Variants in ANO4 observed in about 807,000 individuals in gnomAD.
ANO4 encodes the protein anoctamin-4.
In ANO4, 69 loss-of-function variants were observed where a neutral mutation model predicts 141.9. That is an observed-to-expected ratio of 0.49 (90% CI 0.40 to 0.59). The LOEUF is 0.59. ANO4 is among the 20% of genes least tolerant of loss of function. ANO4 has a pLI of 0.00. For synonymous variants in ANO4, 350 were observed against 394.3 expected, an observed-to-expected ratio of 0.89 and a Z score of 1.33; for missense variants, 894 against 1,162.2, an observed-to-expected ratio of 0.77 and a Z score of 3.36.
intron 22 of ANO4, among the ~76,000 whole-genome samples, chr12:101,106,676 T>G (rs1292084871): frequency 1.3e-5 from 2 of 150,198 alleles, no homozygotes; most frequent in Non-Finnish European, 3.0e-5. Context: ...AGAGCAAAAA[T>G]AGAGGAGAAT....
At chr12:101,125,393 G>A (rs529851065) in intron 26 of ANO4, among the ~76,000 whole-genome samples, 4 of 152,062 alleles carry the variant, frequency 2.6e-5, no homozygotes, top group South Asian at 4.2e-4. Context: ...TTCTAGACAC[G>A]GGATCAGGTC....
At chr12:101,113,093 A>C (rs555137533) in intron 24 of ANO4, among the ~76,000 whole-genome samples, 103 of 152,270 alleles carry the variant, frequency 6.8e-4, no homozygotes, top group African/African-American at 2.5e-3. Context: ...GAGCAGGAAG[A>C]GATTAAAAGA....
intron 1 of ANO4, among the ~76,000 whole-genome samples, chr12:100,856,563 A>G (rs1459836893): frequency 6.6e-6 from 1 of 152,152 alleles, no homozygotes; most frequent in Non-Finnish European, 1.5e-5. Context: ...AGTAAAGGGT[A>G]TTTTGAGAAC....
intron 1 of ANO4, among the ~76,000 whole-genome samples, chr12:100,821,011 A>G (rs7967096): frequency 0.83 from 125,766 of 152,048 alleles, 52,240 homozygotes; most frequent in African/African-American, 0.9. Flanking sequence ...TCTCTGTTTG[A>G]CTATGCCATG....
chr12:101,046,402 G>T (rs2047632704), intron 13 of ANO4, among the ~76,000 whole-genome samples: 1 of 152,162 alleles, frequency 6.6e-6, no homozygotes, highest in African/African-American at 2.4e-5. Context: ...TTGTCCAATG[G>T]CCATTTGAGG....
At chr12:100,809,149 G>A (rs1303237816) in intron 1 of ANO4, among the ~76,000 whole-genome samples, 1 of 152,192 alleles carries the variant, frequency 6.6e-6, no homozygotes, top group Non-Finnish European at 1.5e-5. Flanking sequence ...GGGAGGCCAA[G>A]GTGGGTGGAT....
In ANO4 at chr12:100,971,418, T is replaced by C. The variant is rs1281933450; in HGVS notation, c.557+12T>C. 18 of 1,534,262 alleles carry C rather than the reference T, an allele frequency of 1.2e-5. No individual in the cohort carries two copies. The highest frequency in any genetic ancestry group is 1.7e-5 in the Admixed American group (1 of 59,574). On this transcript the variant is annotated intron_variant, in intron 6 of 27. Coordinates refer to ENST00000392977, the MANE Select transcript of ANO4 (RefSeq NM_001286615.2). ...AGAATGCCTTTCAGGTAGGTGGAAA[T>C]GTATTTTATTCCACTCTCTCTGCTG...
intron 1 of ANO4, among the ~76,000 whole-genome samples, chr12:100,722,650 T>C (rs1202613504): frequency 4.6e-5 from 7 of 152,310 alleles, no homozygotes; most frequent in Middle Eastern, 3.4e-3. Context: ...ATCCCCTCTG[T>C]GGGTTGTAAA....
At chr12:101,034,589 C>T (rs2047118473) in intron 9 of ANO4, among the ~76,000 whole-genome samples, 1 of 137,380 alleles carries the variant, frequency 7.3e-6, no homozygotes, top group Non-Finnish European at 1.5e-5. Context: ...CACATCTGCA[C>T]ATGTATCCCA....
intron 3 of ANO4, among the ~76,000 whole-genome samples, chr12:100,787,167 A>G (rs1390441964): frequency 6.6e-6 from 1 of 152,212 alleles, no homozygotes; most frequent in East Asian, 1.9e-4. Context: ...CAGTTATGCT[A>G]CTGTGTGATC....
intron 3 of ANO4, among the ~76,000 whole-genome samples, chr12:100,923,379 A>G (rs1041242747): frequency 6.6e-6 from 1 of 151,388 alleles, no homozygotes; most frequent in Non-Finnish European, 1.5e-5. Flanking sequence ...GAGTGAGAAC[A>G]TGCGGTGTTT....
chr12:100,793,479 A>G (rs2034130085), upstream of ANO4, among the ~76,000 whole-genome samples: 1 of 152,118 alleles, frequency 6.6e-6, no homozygotes, highest in Non-Finnish European at 1.5e-5. Flanking sequence ...GCCTACGGGT[A>G]GAGATCACAG....
intron 1 of ANO4, among the ~76,000 whole-genome samples, chr12:100,830,211 A>C (rs924859754): frequency 6.6e-6 from 1 of 152,042 alleles, no homozygotes; most frequent in African/African-American, 2.4e-5. Context: ...CACTTGTCAA[A>C]CCACATTCCT....
chr12:100,957,023 T>C (rs1485508478), intron 5 of ANO4, among the ~76,000 whole-genome samples: 14 of 152,258 alleles, frequency 9.2e-5, no homozygotes, highest in Non-Finnish European at 1.6e-4. Flanking sequence ...AAATAAACTC[T>C]TAAATACTTG....
intron 1 of ANO4, among the ~76,000 whole-genome samples, chr12:100,813,688 C>T (rs2035575052): frequency 1.3e-5 from 2 of 152,044 alleles, no homozygotes; most frequent in South Asian, 4.1e-4. Flanking sequence ...GAAAAACTAG[C>T]GATGTAAATT....
chr12:100,987,721 T>C (rs1307357984), intron 8 of ANO4, 51 bp downstream of exon 8: 1 of 1,602,622 alleles, frequency 6.2e-7, no homozygotes, highest in Non-Finnish European at 8.5e-7. Context: ...GCAGCTGTGG[T>C]AGAGCCTCAC....
chr12:101,062,269 G>A (rs1337571927), intron 14 of ANO4, among the ~76,000 whole-genome samples: 2 of 152,192 alleles, frequency 1.3e-5, no homozygotes, highest in Non-Finnish European at 2.9e-5. Context: ...TGAGCCCAGA[G>A]GGGCACCCCC....
intron 14 of ANO4, among the ~76,000 whole-genome samples, chr12:101,078,273 G>GGGT (rs1265477728): frequency 6.6e-6 from 1 of 152,046 alleles, no homozygotes; most frequent in African/African-American, 2.4e-5. Context: ...CTCTCTCCTA[G>GGGT]GGTATGTCTG....
chr12:100,786,955 G>A (rs575643200), intron 3 of ANO4, among the ~76,000 whole-genome samples: 3 of 152,232 alleles, frequency 2.0e-5, no homozygotes, highest in Admixed American at 2.0e-4. Context: ...ATCACAATAA[G>A]CTGAGAGGTT....
Sources: allele counts gnomAD v4.1 joint callset (sites outside exome capture counted in the v4.1 genomes callset), GRCh38; gene constraint gnomAD v4.1.1; transcripts MANE v1.5; gene names NCBI Gene and HGNC (gene_info 2026-07-23, HGNC 2026-07-21).